RP2: variants seen among roughly 807,000 people sequenced by gnomAD.
RP2 encodes protein XRP2.
Under a neutral mutation model 20.3 loss-of-function variants are expected in RP2, and 3 were observed. The observed-to-expected ratio is 0.15, with a 90% CI of 0.07 to 0.38. RP2 has a LOEUF of 0.38. Ranked by LOEUF, RP2 falls within the 10% of genes least tolerant of loss-of-function variation. The pLI, the probability that RP2 is intolerant of heterozygous loss-of-function variation, is 1.00. For missense variants in RP2, 233 were observed against 268.5 expected, an observed-to-expected ratio of 0.87 and a Z score of 0.92; for synonymous variants, 75 against 94.8, an observed-to-expected ratio of 0.79 and a Z score of 1.22.
intron 1 of RP2, among the ~76,000 whole-genome samples, chrX:46,848,087 G>C (rs781985537): frequency 1.9e-5 from 2 of 106,747 alleles, no homozygotes; most frequent in Admixed American, 2.0e-4. Flanking sequence ...TGATTATAGA[G>C]CACTTAGTAT....
chrX:46,837,305 C>T, intron 1 of RP2, 103 bp downstream of exon 1: 1 of 819,103 alleles, frequency 1.2e-6, no homozygotes, highest in South Asian at 2.2e-5. Flanking sequence ...TGCTGCCGCA[C>T]TCTCTTGAAC....
chrX:46,852,210 A>C (rs1924874507), intron 1 of RP2, among the ~76,000 whole-genome samples: 1 of 107,970 alleles, frequency 9.3e-6, no homozygotes, highest in South Asian at 4.3e-4. Context: ...CCGTCTCGAA[A>C]GAGAGAGAGA....
chrX:46,873,331 T>C (rs1455732148), intron 3 of RP2, among the ~76,000 whole-genome samples: 2 of 111,935 alleles, frequency 1.8e-5, no homozygotes, highest in African/African-American at 6.5e-5. Flanking sequence ...CTGAAATATT[T>C]AGATCTAAAG....
At chrX:46,879,584 T>C in intron 4 of RP2, 102 bp from the exon 5 acceptor site, 1 of 502,054 alleles carries the variant, frequency 2.0e-6, no homozygotes, top group Non-Finnish European at 3.4e-6. Flanking sequence ...TTGAACTTCT[T>C]TTGAATAATT....
chrX:46,842,637 G>A (rs1436556831), intron 1 of RP2, among the ~76,000 whole-genome samples: 4 of 111,458 alleles, frequency 3.6e-5, no homozygotes, highest in African/African-American at 9.8e-5. Context: ...CCCCATTCTC[G>A]TCTCTCCGAG....
intron 1 of RP2, among the ~76,000 whole-genome samples, chrX:46,850,262 T>C (rs1274973835): frequency 1.8e-5 from 2 of 111,768 alleles, no homozygotes; most frequent in Non-Finnish European, 3.8e-5. Context: ...CCTACAGCCA[T>C]TGAATTACCA....
rs1289012512 is a variant in RP2 at position 46,853,667 on chromosome X, C to T, written c.294C>T (p.Gly98=). 3.3e-6 allele frequency: 4 copies of T among 1,210,119 alleles called. No individual in the cohort carries two copies. Among genetic ancestry groups the T allele is most frequent in the Non-Finnish European group, 4.5e-6 (4 of 895,266 alleles). The change falls in exon 2 of 5, where the codon GGC becomes GGT. Residue 98 remains glycine, a synonymous_variant. Coordinates refer to ENST00000218340, the MANE Select transcript of RP2 (RefSeq NM_006915.3). Reference sequence around the variant, plus strand: ...TAATTTTTCTGGGACCCGTGAAAGGCAGCGTGTTTTTCCGGAATTGCAGAG... The same window carrying T: ...TAATTTTTCTGGGACCCGTGAAAGGTAGCGTGTTTTTCCGGAATTGCAGAG... ...NCIIFLGPVK[G]SVFFRNCRDC... is the part of the protein sequence containing the mutation.
intron 2 of RP2, among the ~76,000 whole-genome samples, chrX:46,859,159 A>G (rs1321847607): frequency 4.5e-5 from 5 of 111,689 alleles, no homozygotes; most frequent in South Asian, 3.7e-4. Flanking sequence ...ATTGTGCTAT[A>G]CTATATAAAT....
Position 46,853,740 on chromosome X carries a change from A to G in RP2, c.367A>G (p.Arg123Gly). Residue 123 changes from arginine (R) to glycine (G), a missense_variant, in exon 2 of 5, where the codon AGA (arginine) becomes GGA (glycine). Physicochemically the swap from Arg to Gly is moderately radical, Grantham distance 125. Transcript: ENST00000218340. Reference sequence around the variant, plus strand: ...CCAACAATTTCGTGTGCGAGATTGTAGAAAGCTGGAAGTCTTTTTGTGTTG... The same window carrying G: ...CCAACAATTTCGTGTGCGAGATTGTGGAAAGCTGGAAGTCTTTTTGTGTTG... Reference protein sequence around the residue: ...ACQQFRVRDCRKLEVFLCCAT... With the variant: ...ACQQFRVRDCGKLEVFLCCAT... The G allele has an allele frequency of 8.2e-7, 1 of 1,212,234 alleles. No individual in the cohort carries two copies. Among genetic ancestry groups the G allele is most frequent in the South Asian group, 1.8e-5 (1 of 57,017 alleles).
chrX:46,847,709 T>TAC (rs1194008493), intron 1 of RP2, among the ~76,000 whole-genome samples: 2 of 77,923 alleles, frequency 2.6e-5, no homozygotes, highest in Non-Finnish European at 4.8e-5. Context: ...TGTGTATATA[T>TAC]ACACACATAT....
intron 3 of RP2, among the ~76,000 whole-genome samples, chrX:46,865,796 C>T (rs782403575): frequency 3.6e-5 from 4 of 110,581 alleles, no homozygotes; most frequent in African/African-American, 9.8e-5. Flanking sequence ...GATGTGGTGG[C>T]GCATGCCTGT....
At chrX:46,871,856 C>T (rs1556326567) in intron 3 of RP2, among the ~76,000 whole-genome samples, 1 of 112,055 alleles carries the variant, frequency 8.9e-6, no homozygotes. Context: ...CAGGTTTTGT[C>T]TCATGTATTT....
intron 3 of RP2, among the ~76,000 whole-genome samples, chrX:46,874,788 T>A (rs956804104): frequency 6.3e-5 from 7 of 111,437 alleles, no homozygotes; most frequent in Non-Finnish European, 1.3e-4. Flanking sequence ...ACAGTTAATT[T>A]GATCCAGATC....
chrX:46,864,116 A>T (rs781986456), intron 3 of RP2, among the ~76,000 whole-genome samples: 3 of 110,026 alleles, frequency 2.7e-5, no homozygotes, highest in Non-Finnish European at 3.8e-5. Flanking sequence ...GTTCAAGACC[A>T]GCCTGGGCAA....
intron 1 of RP2, among the ~76,000 whole-genome samples, chrX:46,843,913 A>T (rs1924668294): frequency 9.0e-6 from 1 of 110,621 alleles, no homozygotes; most frequent in African/African-American, 3.3e-5. Context: ...GTCTCATCTG[A>T]TCCTCCCACC....
intron 1 of RP2, among the ~76,000 whole-genome samples, chrX:46,850,653 C>T (rs1484068508): frequency 9.0e-6 from 1 of 111,354 alleles, no homozygotes; most frequent in Non-Finnish European, 1.9e-5. Context: ...AGGGAGGGTC[C>T]TTTATTCCTA....
chrX:46,862,161 C>T (rs1556320236), intron 3 of RP2, among the ~76,000 whole-genome samples: 1 of 111,218 alleles, frequency 9.0e-6, no homozygotes, highest in South Asian at 3.8e-4. Flanking sequence ...ATCACGAGGT[C>T]AGGAGTTCAA....
intron 1 of RP2, among the ~76,000 whole-genome samples, chrX:46,848,733 T>G (rs1326784909): frequency 9.1e-6 from 1 of 109,451 alleles, no homozygotes; most frequent in Non-Finnish European, 1.9e-5. Context: ...AGGATTGTAG[T>G]AAGAAATAGT....
At position 46,862,173 on chromosome X, in the gene RP2, A is replaced by T. The variant is rs968453106; in HGVS notation, c.883+2071A>T. 2.7e-5 allele frequency among the ~76,000 whole-genome samples: 3 copies of T among 110,922 alleles called. No individual in the cohort carries two copies. The Admixed American group carries it at 2.9e-4, about 11-fold the overall frequency. On this transcript the variant is annotated intron_variant, in intron 3 of 4. Transcript: ENST00000218340. Reference sequence around the variant, plus strand: ...TAGATCACGAGGTCAGGAGTTCAAGACCAGCCTGGCCAACATGGTGAAACC... The same window carrying T: ...TAGATCACGAGGTCAGGAGTTCAAGTCCAGCCTGGCCAACATGGTGAAACC...
Sources: gnomAD v4.1 joint callset for allele counts (sites outside exome capture counted in the v4.1 genomes callset) on GRCh38, gnomAD v4.1.1 for gene constraint, MANE v1.5 for transcripts, NCBI Gene and HGNC (gene_info 2026-07-23, HGNC 2026-07-21) for gene names.